Variants in FRY observed in about 807,000 individuals in gnomAD.
FRY encodes protein furry homolog.
Under a neutral mutation model 348.4 loss-of-function variants are expected in FRY, and 128 were observed. The ratio of observed to expected loss-of-function variants is 0.37; its 90% confidence interval spans 0.32 to 0.43. FRY has a LOEUF of 0.43. FRY is among the 20% of genes least tolerant of loss of function. The pLI, the probability that FRY is intolerant of heterozygous loss-of-function variation, is 1.00. For missense variants in FRY, 2,736 were observed against 3,695.2 expected, an observed-to-expected ratio of 0.74 and a Z score of 6.73; for synonymous variants, 1,370 against 1,374.7, an observed-to-expected ratio of 1.00 and a Z score of 0.08.
At position 32,253,944 on chromosome 13, in the gene FRY, CAT is replaced by C. The variant is rs1887210024; in HGVS notation, c.7246-278_7246-277del. The stretch of plus-strand genomic sequence containing the variant: ...CTGCTCCAGTTTACACACACACACA[CAT>C]ACACACACACACACAGGTAGTATAC... On this transcript the variant is annotated intron_variant, in intron 50 of 60. Coordinates refer to ENST00000542859, the MANE Select transcript of FRY (RefSeq NM_023037.3). Among the ~76,000 whole-genome samples, 5 of 131,508 alleles carry C rather than the reference CAT, an allele frequency of 3.8e-5. No homozygotes were observed. The South Asian group carries it at 1.1e-3, about 30-fold the overall frequency. 86.3% of individuals were successfully genotyped at this position (131,508 alleles called of 152,430 possible). A position where few individuals can be genotyped will look rare whatever the true frequency, so the allele number is the denominator to read the frequency against.
At chr13:32,050,528 G>C (rs973930004) in intron 1 of FRY, among the ~76,000 whole-genome samples, 1 of 152,152 alleles carries the variant, frequency 6.6e-6, no homozygotes, top group South Asian at 2.1e-4. Context: ...GCCATGTATA[G>C]TTGCATAATA....
At chr13:32,193,750 T>C (rs1261098686) in intron 28 of FRY, among the ~76,000 whole-genome samples, 1 of 151,612 alleles carries the variant, frequency 6.6e-6, no homozygotes, top group Non-Finnish European at 1.5e-5. Flanking sequence ...CACGCCCAGC[T>C]AATTTTTTCT....
At chr13:32,070,345 C>T (rs1013879503) in intron 1 of FRY, among the ~76,000 whole-genome samples, 7 of 152,130 alleles carry the variant, frequency 4.6e-5, no homozygotes, top group Non-Finnish European at 8.8e-5. Context: ...AATGTAAAAG[C>T]GTTCCTATTT....
chr13:32,109,042 C>CT (rs1377726970), intron 3 of FRY, among the ~76,000 whole-genome samples: 1 of 152,058 alleles, frequency 6.6e-6, no homozygotes, highest in Non-Finnish European at 1.5e-5. Flanking sequence ...ATGAAGAGAC[C>CT]TAAGGCATTT....
chr13:32,208,200 A>T (rs969126246), intron 31 of FRY, among the ~76,000 whole-genome samples: 3 of 152,234 alleles, frequency 2.0e-5, no homozygotes, highest in Non-Finnish European at 2.9e-5. Context: ...GACTCTGCAA[A>T]GTGGGTTTAT....
chr13:32,124,286 C>T lies in FRY; in HGVS notation c.465C>T (p.Ser155=), dbSNP rs748855412. 1.4e-5 allele frequency: 22 copies of T among 1,559,738 alleles called. No individual in the cohort carries two copies. In the East Asian group the frequency reaches 2.5e-4, roughly 17 times the overall value. The change falls in exon 5 of 61, where the codon AGC becomes AGT. Residue 155 remains serine (S), a splice_region_variant and synonymous_variant. Transcript: ENST00000542859. ...AATGTAAATATTTTAAATTTTACAG[C>T]GATGAACAACAGCGAGATTATTTAA... ...YRPRTSNKSK[S]DEQQRDYLME... is the part of the protein sequence containing the mutation.
intron 28 of FRY, among the ~76,000 whole-genome samples, chr13:32,190,611 A>G (rs1883284182): frequency 6.6e-6 from 1 of 152,176 alleles, no homozygotes; most frequent in South Asian, 2.1e-4. Flanking sequence ...AACACTCAGG[A>G]ATAAACCTAA....
chr13:32,090,512 C>T (rs1293950806), intron 2 of FRY, among the ~76,000 whole-genome samples: 2 of 152,042 alleles, frequency 1.3e-5, no homozygotes, highest in Non-Finnish European at 2.9e-5. Flanking sequence ...GCTGATGGAG[C>T]CATGTCCTGA....
At chr13:32,197,603 G>C (rs1184845995) in intron 29 of FRY, among the ~76,000 whole-genome samples, 1 of 152,170 alleles carries the variant, frequency 6.6e-6, no homozygotes, top group Non-Finnish European at 1.5e-5. Context: ...TGATGATAGG[G>C]TTAGAGTAAT....
In FRY at chr13:32,124,594, T is replaced by C. The variant is rs1172549410; in HGVS notation, c.556-8T>C. On this transcript the variant is annotated splice_region_variant and splice_polypyrimidine_tract_variant and intron_variant, in intron 5 of 60. Coordinates refer to ENST00000542859, the MANE Select transcript of FRY (RefSeq NM_023037.3). ...CCTTCTGAGTTAAGAACCACCTTTT[T>C]TTTTCAGATTCCACTTCATCCTGTA... The C allele has an allele frequency of 6.4e-7, 1 of 1,556,718 alleles. No homozygotes were observed. The highest frequency in any genetic ancestry group is 1.7e-5 in the Admixed American group (1 of 59,938).
At chr13:32,191,465 AG>A (rs1337862518) in intron 28 of FRY, among the ~76,000 whole-genome samples, 1 of 152,210 alleles carries the variant, frequency 6.6e-6, no homozygotes, top group Non-Finnish European at 1.5e-5. Context: ...TAGAAAAATG[AG>A]CAAGAAACTT....
intron 41 of FRY, among the ~76,000 whole-genome samples, 190 bp from the exon 42 acceptor site, chr13:32,234,384 C>G (rs1430981554): frequency 6.6e-6 from 1 of 151,888 alleles, no homozygotes; most frequent in Admixed American, 6.6e-5. Context: ...GATCATGCCA[C>G]TGCACTCCAG....
chr13:32,224,361 T>G lies in FRY; in HGVS notation c.4892T>G (p.Ile1631Ser). 1 of 1,613,904 alleles carries G rather than the reference T, an allele frequency of 6.2e-7. No homozygotes were observed. Among genetic ancestry groups the G allele is most frequent in the East Asian group, 2.2e-5 (1 of 44,844 alleles). The change falls in exon 37 of 61, where the codon ATC becomes AGC. Residue 1631 changes from isoleucine to serine, a missense_variant. This residue lies in a region of FRY where 794 missense variants were observed against 977.0 expected (regional missense o/e 0.81). Coordinates refer to ENST00000542859, the MANE Select transcript of FRY (RefSeq NM_023037.3). ...APLVDYLPET[I>S]TPRGPLHRCN... ...CTGGTTGACTATCTCCCGGAGACCA[T>G]CACTCCCCGGGGGCCACTCCACAGG... is the stretch of plus-strand genomic sequence containing the variant.
chr13:32,234,389 C>T (rs1886103092), intron 41 of FRY, among the ~76,000 whole-genome samples, 185 bp from the exon 42 acceptor site: 1 of 151,868 alleles, frequency 6.6e-6, no homozygotes, highest in African/African-American at 2.4e-5. Flanking sequence ...TGCCACTGCA[C>T]TCCAGCCTGG....
At chr13:32,194,671 C>A (rs1299994148) in intron 29 of FRY, among the ~76,000 whole-genome samples, 2 of 152,042 alleles carry the variant, frequency 1.3e-5, no homozygotes, top group African/African-American at 4.8e-5. Flanking sequence ...AAGACCAAAC[C>A]CAGGAAGTGG....
chr13:32,072,610 A>G (rs753513423), intron 1 of FRY, among the ~76,000 whole-genome samples: 2 of 152,146 alleles, frequency 1.3e-5, no homozygotes, highest in African/African-American at 4.8e-5. Context: ...AAGTTCCCTC[A>G]TACTTGCTTT....
chr13:32,063,697 T>C (rs1874078350), intron 1 of FRY, among the ~76,000 whole-genome samples: 1 of 152,214 alleles, frequency 6.6e-6, no homozygotes, highest in African/African-American at 2.4e-5. Flanking sequence ...AATCTGCACT[T>C]TAACGAACTC....
intron 19 of FRY, 25 bp from the exon 20 acceptor site, chr13:32,175,521 G>C (rs1882311720): frequency 7.0e-7 from 1 of 1,427,344 alleles, no homozygotes; most frequent in African/African-American, 1.4e-5. Context: ...TTCCCATAGA[G>C]AGTAATCGCC....
intron 31 of FRY, among the ~76,000 whole-genome samples, chr13:32,203,799 C>G (rs1412607170): frequency 6.6e-6 from 1 of 152,210 alleles, no homozygotes; most frequent in Non-Finnish European, 1.5e-5. Context: ...ACTTTGGCCT[C>G]TTGAATTCAT....
Sources: allele counts gnomAD v4.1 joint callset (sites outside exome capture counted in the v4.1 genomes callset), GRCh38; gene constraint gnomAD v4.1.1; regional missense constraint gnomAD v4.1.1; transcripts MANE v1.5; gene names NCBI Gene and HGNC (gene_info 2026-07-23, HGNC 2026-07-21).